The following SLC11A2 variants were observed in gnomAD, a reference collection of about 807,000 sequenced individuals.
SLC11A2 encodes the protein solute carrier family 11 member 2.
SLC11A2 carries 38 observed loss-of-function variants against 68.0 expected under a neutral mutation model. The observed-to-expected ratio is 0.56, with a 90% confidence interval of 0.43 to 0.73. The LOEUF (loss-of-function observed/expected upper bound fraction) is 0.73. SLC11A2 is among the 30% of genes least tolerant of loss of function. SLC11A2 has a pLI of 0.00. For missense variants in SLC11A2, 517 were observed against 690.5 expected (o/e 0.75, Z 2.82); for synonymous variants, 242 against 250.6 (o/e 0.97, Z 0.32).
At chr12:51,019,790 G>A (rs1022259217) in intron 1 of SLC11A2, among the ~76,000 whole-genome samples, 2 of 150,528 alleles carry the variant, frequency 1.3e-5, no homozygotes, top group Admixed American at 1.3e-4. Context: ...TGGGACTAGA[G>A]GCGTGTGCCA....
chr12:51,018,284 A>AC (rs1379165035), intron 1 of SLC11A2, among the ~76,000 whole-genome samples: 1 of 151,846 alleles, frequency 6.6e-6, no homozygotes, highest in African/African-American at 2.4e-5. Context: ...AATCCCAGCT[A>AC]TTGGGAGGCT....
chr12:50,957,937 G>GGGGT, the SLC11A2 span, among the ~76,000 whole-genome samples: 27 of 132,502 alleles, frequency 2.0e-4, no homozygotes, highest in Middle Eastern at 3.6e-3. Context: ...ATGAATTGGA[G>GGGGT]GTGTGTGTGT....
intron 1 of SLC11A2, among the ~76,000 whole-genome samples, chr12:51,016,442 G>T (rs1016515525): frequency 9.2e-5 from 14 of 151,982 alleles, no homozygotes; most frequent in Admixed American, 8.5e-4. Flanking sequence ...CCAGCACTTT[G>T]GGAGGCTGAG....
Position 50,987,136 on chromosome 12 carries a change from A to T in SLC11A2, c.*1189T>A. On this transcript the variant is annotated 3_prime_UTR_variant, in exon 16 of 16. Transcript: ENST00000262052. The stretch of plus-strand genomic sequence containing the variant: ...GTGCTGAAGACACCCATTTCCTCTG[A>T]CTCCAGAGCTCCACCATCTGGTCTC... 1 of 1,282,418 alleles carries T rather than the reference A, an allele frequency of 7.8e-7. No homozygotes were observed. The highest frequency in any genetic ancestry group is 1.0e-6 in the Non-Finnish European group (1 of 986,342). The allele number at this position is 1,282,418 out of a possible 1,614,324, so 79.4% of individuals were successfully genotyped here. A position where few individuals can be genotyped will look rare whatever the true frequency, so the allele number is the denominator to read the frequency against.
chr12:50,992,344 A>G lies in SLC11A2; in HGVS notation c.1198-5T>C, dbSNP rs1704594275. ...CCACTTTAGGTTCAGGAATCCCTGGAAGAAAACATAGGAGCAGATGACTGT... is the reference window on the plus strand; with the variant it reads ...CCACTTTAGGTTCAGGAATCCCTGGGAGAAAACATAGGAGCAGATGACTGT... On this transcript the variant is annotated splice_region_variant and splice_polypyrimidine_tract_variant and intron_variant, in intron 12 of 15. Coordinates refer to ENST00000262052, the MANE Select transcript of SLC11A2 (RefSeq NM_000617.3). 1.2e-6 allele frequency: 2 copies of G among 1,613,660 alleles called. No homozygotes were observed. The highest frequency in any genetic ancestry group is 2.7e-5 in the African/African-American group (2 of 74,918).
chr12:50,970,561 G>A, the SLC11A2 span: 5 of 1,107,110 alleles, frequency 4.5e-6, no homozygotes, highest in Non-Finnish European at 6.6e-6. Flanking sequence ...TATTTATTAT[G>A]AAGAATAAAT....
chr12:51,015,961 T>C (rs1344124830), intron 1 of SLC11A2, among the ~76,000 whole-genome samples: 1 of 151,820 alleles, frequency 6.6e-6, no homozygotes, highest in African/African-American at 2.4e-5. Flanking sequence ...ATTTTTGTAT[T>C]TTTAGTAAAG....
Position 51,008,535 on chromosome 12 carries a change from C to T in SLC11A2, c.124G>A (p.Asp42Asn), listed in dbSNP as rs1338865971. Residue 42 changes from aspartate to asparagine, a missense_variant, in exon 3 of 16, where the codon GAC (aspartate) becomes AAC (asparagine). Transcript: ENST00000262052. ...TAAGTGGCGAAGTACTCCTCTGAGT[C>T]CCCAGGGGACTGTGAAAGAGAGGGA... ...SNPSLSQSPGDSEEYFATYFN... is the reference protein window; with the variant it reads ...SNPSLSQSPGNSEEYFATYFN... 6.2e-7 allele frequency: 1 copy of T among 1,611,438 alleles called. No individual in the cohort carries two copies. Among genetic ancestry groups the T allele is most frequent in the Non-Finnish European group, 8.5e-7 (1 of 1,177,786 alleles).
At chr12:51,010,544 C>T (rs1943134614) in intron 2 of SLC11A2, 151 bp downstream of exon 2, 4 of 484,904 alleles carry the variant, frequency 8.2e-6, no homozygotes, top group East Asian at 7.3e-5. Flanking sequence ...TTTTCATTTA[C>T]AGCCTAAGTC....
chr12:50,971,523 G>A, the SLC11A2 span, among the ~76,000 whole-genome samples: 1 of 152,204 alleles, frequency 6.6e-6, no homozygotes, highest in Admixed American at 6.5e-5. Context: ...TAATGCTAAT[G>A]TGGTACGACA....
chr12:51,005,869 C>G, intron 3 of SLC11A2: 1 of 374,612 alleles, frequency 2.7e-6, no homozygotes, highest in Non-Finnish European at 5.0e-6. Context: ...CTGAACGGAT[C>G]CTCTTCTTGA....
intron 4 of SLC11A2, 88 bp downstream of exon 4, chr12:51,005,223 G>C: frequency 7.1e-7 from 1 of 1,411,832 alleles, no homozygotes. Context: ...TGTAGCCCCT[G>C]AGGCTACTAT....
intron 11 of SLC11A2, 45 bp from the exon 12 acceptor site, chr12:50,992,974 C>T (rs1941322123): frequency 1.2e-6 from 2 of 1,612,128 alleles, no homozygotes; most frequent in African/African-American, 2.7e-5. Context: ...CAATAATCTG[C>T]TCAGACAATA....
chr12:50,984,867 A>C (rs764546242), downstream of SLC11A2, among the ~76,000 whole-genome samples: 2 of 151,576 alleles, frequency 1.3e-5, no homozygotes, highest in Non-Finnish European at 3.0e-5. Flanking sequence ...TGTGCTGCTA[A>C]ACAACAAAGC....
chr12:51,027,658 G>C (rs538414329), upstream of SLC11A2, among the ~76,000 whole-genome samples: 37 of 152,172 alleles, frequency 2.4e-4, no homozygotes, highest in African/African-American at 8.7e-4. Context: ...GGAATAAATG[G>C]CCTAACAAAT....
intron 11 of SLC11A2, among the ~76,000 whole-genome samples, chr12:50,994,019 C>CAAAAAAAAAAAA (rs1198919334): frequency 1.2e-5 from 1 of 81,622 alleles, no homozygotes; most frequent in Non-Finnish European, 2.6e-5. Flanking sequence ...AAAAAAAAAG[C>CAAAAAAAAAAAA]TGGGGTGTAT....
At chr12:51,014,316 T>C (rs902204496) in intron 1 of SLC11A2, 1 of 152,230 alleles carries the variant, frequency 6.6e-6, no homozygotes, top group Admixed American at 6.5e-5. Flanking sequence ...GACTGTAGTC[T>C]GCAAATATTT....
chr12:50,993,127 G>A, intron 11 of SLC11A2, 198 bp from the exon 12 acceptor site: 1 of 611,390 alleles, frequency 1.6e-6, no homozygotes, highest in Admixed American at 2.4e-5. Context: ...TTTACTGGAT[G>A]CTCCTTCGTT....
At chr12:51,026,088 C>T (rs372702523) in intron 1 of SLC11A2, 2 of 1,098,466 alleles carry the variant, frequency 1.8e-6, no homozygotes, top group East Asian at 1.1e-4. Context: ...TCCCTCCCTG[C>T]CCCCATCTTT....
Sources: gnomAD v4.1 joint callset for allele counts (sites outside exome capture counted in the v4.1 genomes callset) on GRCh38, gnomAD v4.1.1 for gene constraint, MANE v1.5 for transcripts, NCBI Gene and HGNC (gene_info 2026-07-23, HGNC 2026-07-21) for gene names.